TRAM2: variants seen among roughly 807,000 people sequenced by gnomAD.
TRAM2 encodes translocation associated membrane protein 2.
A neutral mutation model predicts 51.0 loss-of-function variants in TRAM2; 12 were observed. That is an observed-to-expected ratio of 0.24 (90% confidence interval 0.15 to 0.38). The LOEUF (loss-of-function observed/expected upper bound fraction) is 0.38. Among genes scored for constraint, TRAM2 ranks in the 10% least tolerant of loss-of-function variants. TRAM2 has a pLI of 1.00. For synonymous variants in TRAM2, 175 were observed against 179.4 expected (o/e 0.98, Z 0.20); for missense variants, 361 against 462.0 (o/e 0.78, Z 2.00).
At chr6:52,508,412 C>T (rs1156436720) in intron 5 of TRAM2, 94 bp from the exon 6 acceptor site, 2 of 1,237,330 alleles carry the variant, frequency 1.6e-6, no homozygotes, top group Non-Finnish European at 1.2e-6. Context: ...TGGGCTGAGA[C>T]TCTGCCTGTG....
intron 1 of TRAM2, among the ~76,000 whole-genome samples, chr6:52,539,439 A>G (rs540078636): frequency 1.3e-5 from 2 of 152,228 alleles, no homozygotes; most frequent in Non-Finnish European, 2.9e-5. Flanking sequence ...ATCCACAAAT[A>G]ATAAGGATCA....
At chr6:52,572,428 AC>A (rs2114112003) in intron 1 of TRAM2, among the ~76,000 whole-genome samples, 1 of 152,268 alleles carries the variant, frequency 6.6e-6, no homozygotes, top group African/African-American at 2.4e-5. Context: ...ACATGGTGAA[AC>A]CCCGTCTCTA....
At chr6:52,525,497 G>A (rs1766761139) in intron 2 of TRAM2, among the ~76,000 whole-genome samples, 1 of 152,134 alleles carries the variant, frequency 6.6e-6, no homozygotes, top group South Asian at 2.1e-4. Flanking sequence ...GCTGTTATGG[G>A]TTGAATTGTA....
chr6:52,547,258 G>T (rs1338717587), intron 1 of TRAM2, among the ~76,000 whole-genome samples: 3 of 152,204 alleles, frequency 2.0e-5, no homozygotes, highest in African/African-American at 7.2e-5. Context: ...GCCTAGAGAG[G>T]ATGATCTCCT....
intron 2 of TRAM2, among the ~76,000 whole-genome samples, chr6:52,520,943 G>A (rs552002790): frequency 6.6e-5 from 10 of 150,964 alleles, no homozygotes; most frequent in Non-Finnish European, 8.9e-5. Flanking sequence ...TTTTGAGACA[G>A]AGTCACCCAG....
intron 1 of TRAM2, among the ~76,000 whole-genome samples, chr6:52,575,320 T>G (rs537208974): frequency 1.2e-4 from 18 of 152,192 alleles, no homozygotes; most frequent in African/African-American, 4.1e-4. Context: ...CGGATATGAC[T>G]CTGTGTGACA....
chr6:52,535,593 A>C (rs1766965059), intron 2 of TRAM2, among the ~76,000 whole-genome samples, 190 bp downstream of exon 2: 1 of 152,202 alleles, frequency 6.6e-6, no homozygotes. Flanking sequence ...AGGCAGGAGA[A>C]CTGCTTGAAC....
intron 10 of TRAM2, among the ~76,000 whole-genome samples, chr6:52,504,275 A>C (rs991233545): frequency 2.1e-4 from 32 of 152,296 alleles, no homozygotes; most frequent in Non-Finnish European, 3.5e-4. Flanking sequence ...CAGTAGCAGC[A>C]CTTGGCTGGG....
intron 1 of TRAM2, among the ~76,000 whole-genome samples, chr6:52,561,090 G>C (rs974539000): frequency 7.9e-5 from 12 of 152,198 alleles, no homozygotes; most frequent in African/African-American, 1.7e-4. Flanking sequence ...CTACAGCATA[G>C]ATGAACCCTG....
At chr6:52,555,680 T>C (rs912603823) in intron 1 of TRAM2, among the ~76,000 whole-genome samples, 32 of 152,196 alleles carry the variant, frequency 2.1e-4, no homozygotes, top group African/African-American at 7.7e-4. Flanking sequence ...CCATTTTAAA[T>C]TGATCTAACC....
At chr6:52,550,450 A>G (rs1005817639) in intron 1 of TRAM2, among the ~76,000 whole-genome samples, 4 of 152,268 alleles carry the variant, frequency 2.6e-5, no homozygotes, top group Admixed American at 2.6e-4. Flanking sequence ...TGGGACTCTG[A>G]CTGATGGAGA....
At chr6:52,542,261 G>GTTTT (rs139806290) in intron 1 of TRAM2, among the ~76,000 whole-genome samples, 8 of 89,566 alleles carry the variant, frequency 8.9e-5, no homozygotes, top group African/African-American at 3.2e-4. Context: ...GAGATTTTTG[G>GTTTT]GTTTTTTTTT....
chr6:52,502,930 G>A lies in TRAM2; in HGVS notation c.*267C>T. ...CATGGGCGCCTGGCGTTCCAGAAAAGCCAGCACAGGACAGGAGTGAGGACA... is the reference window on the plus strand; with the variant it reads ...CATGGGCGCCTGGCGTTCCAGAAAAACCAGCACAGGACAGGAGTGAGGACA... On this transcript the variant is annotated 3_prime_UTR_variant, in exon 11 of 11. Transcript: ENST00000182527. 1 of 463,976 alleles carries A rather than the reference G, an allele frequency of 2.2e-6. No individual in the cohort carries two copies. The highest frequency in any genetic ancestry group is 3.8e-6 in the Non-Finnish European group (1 of 261,538). The allele number at this position is 463,976 out of a possible 1,614,324, so 28.7% of individuals were successfully genotyped here. A position where few individuals can be genotyped will look rare whatever the true frequency, so the allele number is the denominator to read the frequency against.
chr6:52,530,510 GTAGT>G (rs1766868913), intron 2 of TRAM2, among the ~76,000 whole-genome samples: 2 of 152,192 alleles, frequency 1.3e-5, no homozygotes, highest in African/African-American at 4.8e-5. Context: ...CTCTGCAGAT[GTAGT>G]TAGTTAAGAT....
At chr6:52,559,407 G>A (rs1767460225) in intron 1 of TRAM2, among the ~76,000 whole-genome samples, 1 of 152,198 alleles carries the variant, frequency 6.6e-6, no homozygotes. Flanking sequence ...AGGCTGTGAA[G>A]TCAGACACAC....
chr6:52,567,791 A>T (rs1008840149), intron 1 of TRAM2, among the ~76,000 whole-genome samples: 4 of 152,246 alleles, frequency 2.6e-5, no homozygotes, highest in African/African-American at 9.6e-5. Context: ...GGTTCTGCTA[A>T]GACATATTTC....
At chr6:52,516,540 G>A (rs1293671270) in intron 3 of TRAM2, 88 bp downstream of exon 3, 3 of 1,059,368 alleles carry the variant, frequency 2.8e-6, no homozygotes, top group Admixed American at 1.7e-5. Context: ...ATGAATGGGT[G>A]CAGAGCTGCA....
chr6:52,537,168 C>T (rs567203970), intron 1 of TRAM2, among the ~76,000 whole-genome samples: 1 of 152,326 alleles, frequency 6.6e-6, no homozygotes, highest in African/African-American at 2.4e-5. Flanking sequence ...CAAGACTTCT[C>T]GTGTCTTTGT....
At chr6:52,507,900 T>C (rs1766377997) in intron 6 of TRAM2, among the ~76,000 whole-genome samples, 1 of 152,146 alleles carries the variant, frequency 6.6e-6, no homozygotes, top group African/African-American at 2.4e-5. Context: ...AGAGGGCTCT[T>C]GGAAATAATT....
Sources: allele counts gnomAD v4.1 joint callset (sites outside exome capture counted in the v4.1 genomes callset), GRCh38; gene constraint gnomAD v4.1.1; transcripts MANE v1.5; gene names NCBI Gene and HGNC (gene_info 2026-07-23, HGNC 2026-07-21).